UTP20: variants seen among roughly 807,000 people sequenced by gnomAD.
UTP20 encodes small subunit processome component 20 homolog.
A neutral mutation model predicts 329.5 loss-of-function variants in UTP20; 164 were observed. That is an observed-to-expected ratio of 0.50 (90% CI 0.44 to 0.57). The LOEUF (loss-of-function observed/expected upper bound fraction) is 0.57, where lower values mean the gene tolerates loss of function less well. UTP20 is among the 20% of genes least tolerant of loss of function. The pLI is 0.00. For synonymous variants in UTP20, 1,151 were observed against 1,159.3 expected, an observed-to-expected ratio of 0.99 and a Z score of 0.14; for missense variants, 3,055 against 3,284.2, an observed-to-expected ratio of 0.93 and a Z score of 1.71.
chr12:101,349,030 G>C (rs1375289399), intron 38 of UTP20, among the ~76,000 whole-genome samples: 3 of 151,892 alleles, frequency 2.0e-5, no homozygotes, highest in Non-Finnish European at 4.4e-5. Flanking sequence ...TTATTGTTTT[G>C]TTTTTGTTTT....
intron 21 of UTP20, 140 bp downstream of exon 21, chr12:101,312,416 AT>A: frequency 7.9e-7 from 1 of 1,264,768 alleles, no homozygotes; most frequent in Non-Finnish European, 1.1e-6. Context: ...AGGCTGAGGT[AT>A]TTTTTGTTTG....
intron 41 of UTP20, among the ~76,000 whole-genome samples, chr12:101,356,155 T>C (rs1869714315): frequency 6.6e-6 from 1 of 152,220 alleles, no homozygotes; most frequent in Admixed American, 6.5e-5. Context: ...AGATGGACTT[T>C]CCCTCTTGTT....
At position 101,366,699 on chromosome 12, in the gene UTP20, G is replaced by A; in HGVS notation, c.6267G>A (p.Arg2089=). ...ACATATTTATTGAGTCCGGGCTTCG[G>A]GTAAGAATTAACCTTAAAATGAGAC... ...NMHIFIESGL[R]LLHLSLKTSK... is the part of the protein sequence containing the mutation. The change falls in exon 47 of 62, where the codon CGG becomes CGA. Residue 2089 remains arginine (R), a splice_region_variant and synonymous_variant. Transcript: ENST00000261637. 6.2e-7 allele frequency: 1 copy of A among 1,612,942 alleles called. No individual in the cohort carries two copies. The highest frequency in any genetic ancestry group is 8.5e-7 in the Non-Finnish European group (1 of 1,179,544).
chr12:101,285,506 C>A (rs2137228553), intron 2 of UTP20, 64 bp from the exon 3 acceptor site: 1 of 1,503,866 alleles, frequency 6.6e-7, no homozygotes, highest in Non-Finnish European at 9.2e-7. Context: ...TATCATTATT[C>A]TATTTACCTT....
rs1360751092 is a variant in UTP20, at chr12:101,383,208, G to A, written c.7824G>A (p.Glu2608=). 3 of 1,614,038 alleles carry A rather than the reference G, an allele frequency of 1.9e-6. No homozygotes were observed. In the African/African-American group the frequency reaches 4.0e-5, roughly 22 times the overall value. The part of the protein sequence containing the change: ...KAESDGEEKE[E]VKEELGRPAT... ...AGTCTGACGGAGAAGAGAAGGAAGA[G>A]GTGAAGGAAGAGCTCGGCAGGCCGG... Residue 2608 remains glutamate, a synonymous_variant, in exon 59 of 62, where the codon GAG becomes GAA. Transcript: ENST00000261637.
In UTP20 at chr12:101,295,647, G is replaced by A. The variant is rs777655716; in HGVS notation, c.1419G>A (p.Pro473=). The change falls in exon 12 of 62, where the codon CCG becomes CCA. Residue 473 remains proline (P), a synonymous_variant. Coordinates refer to ENST00000261637, the MANE Select transcript of UTP20 (RefSeq NM_014503.3). ...AAAAGTACCCTCTGGTTTTCTCACC[G>A]CAGATGGTGGGGTGAGTTCTAACTT... is the stretch of plus-strand genomic sequence containing the variant. ...AIEKYPLVFS[P]QMVGFYIKQK... is the part of the protein sequence containing the mutation. The A allele has an allele frequency of 1.7e-5, 28 of 1,601,896 alleles. No homozygotes were observed. Among genetic ancestry groups the A allele is most frequent in the South Asian group, 5.5e-5 (5 of 90,316 alleles).
chr12:101,318,625 G>C (rs1468986836), intron 22 of UTP20, among the ~76,000 whole-genome samples: 1 of 152,126 alleles, frequency 6.6e-6, no homozygotes, highest in East Asian at 1.9e-4. Flanking sequence ...GAGGTTAGGA[G>C]TTTGAGACCA....
rs1486159356 is a variant in UTP20 at position 101,293,570 on chromosome 12, T to C, written c.1251+325T>C. Among the ~76,000 whole-genome samples the C allele has an allele frequency of 3.9e-5, 6 of 152,222 alleles. No individual in the cohort carries two copies. The East Asian group carries it at 1.2e-3, about 29-fold the overall frequency. Reference sequence around the variant, plus strand: ...GCAAATTGATTTCATTGCTCCAAAATAAGGTAACTGAGTGAGGGAGAAAAT... The same window carrying C: ...GCAAATTGATTTCATTGCTCCAAAACAAGGTAACTGAGTGAGGGAGAAAAT... On this transcript the variant is annotated intron_variant, in intron 11 of 61. Transcript: ENST00000261637.
At chr12:101,368,118 G>A in intron 48 of UTP20, 142 bp downstream of exon 48, 1 of 594,820 alleles carries the variant, frequency 1.7e-6, no homozygotes, top group East Asian at 2.8e-5. Flanking sequence ...GTTTTTTGGG[G>A]TTTTTGGGTT....
chr12:101,282,992 G>T (rs1871848562), intron 2 of UTP20, among the ~76,000 whole-genome samples: 1 of 152,222 alleles, frequency 6.6e-6, no homozygotes, highest in Non-Finnish European at 1.5e-5. Flanking sequence ...ATAGGTAAAG[G>T]AGCACAAGGT....
chr12:101,329,462 A>G lies in UTP20; in HGVS notation c.3417+13A>G, dbSNP rs1433633256. ...CCAACGAGAAAAGGTTAGATTCACT[A>G]TAGATGCTTTCAAGTCAAGTGCTTG... is the stretch of plus-strand genomic sequence containing the variant. On this transcript the variant is annotated intron_variant, in intron 27 of 61. Coordinates refer to ENST00000261637, the MANE Select transcript of UTP20 (RefSeq NM_014503.3). 6.2e-6 allele frequency: 10 copies of G among 1,600,014 alleles called. No homozygotes were observed. The highest frequency in any genetic ancestry group is 3.3e-4 in the Middle Eastern group (2 of 6,018).
intron 38 of UTP20, among the ~76,000 whole-genome samples, chr12:101,348,901 T>C (rs952583979): frequency 1.3e-5 from 2 of 152,044 alleles, no homozygotes; most frequent in Non-Finnish European, 2.9e-5. Context: ...AGAAGAGGAC[T>C]TCCCTTAATT....
intron 60 of UTP20, among the ~76,000 whole-genome samples, chr12:101,385,165 G>A (rs1430406025): frequency 6.6e-6 from 1 of 151,796 alleles, no homozygotes; most frequent in African/African-American, 2.4e-5. Flanking sequence ...GATTAGAGAG[G>A]GAATCTCTTA....
At position 101,385,746 on chromosome 12, in the gene UTP20, A is replaced by C. The variant is rs1295003727; in HGVS notation, c.8202+18A>C. ...CCCTGGAGGTAAGTTTGCTCTTTGA[A>C]AATATGGCATGTTCACTGGACTTGA... On this transcript the variant is annotated intron_variant, in intron 61 of 61. Coordinates refer to ENST00000261637, the MANE Select transcript of UTP20 (RefSeq NM_014503.3). 6.2e-7 allele frequency: 1 copy of C among 1,606,786 alleles called. No homozygotes were observed. The highest frequency in any genetic ancestry group is 1.7e-5 in the Admixed American group (1 of 57,634).
In UTP20 at chr12:101,385,625, T is replaced by C; in HGVS notation, c.8099T>C (p.Leu2700Pro). The change falls in exon 61 of 62, where the codon CTC becomes CCC. Residue 2700 changes from leucine to proline, a missense_variant. By Grantham distance (98) the Leu-to-Pro change is moderately conservative. This residue lies in a region of UTP20 where 337 missense variants were observed against 345.5 expected (regional missense o/e 0.98). Transcript: ENST00000261637. ...KNLSQEIIEL[L>P]KKLVGLESFS... is the part of the protein sequence containing the mutation. ...CTATCCCAGGAAATCATAGAATTAC[T>C]CAAAAAGCTGGTTGGGCTTGAGAGC... The C allele has an allele frequency of 6.2e-7, 1 of 1,613,958 alleles. No homozygotes were observed. The highest frequency in any genetic ancestry group is 8.5e-7 in the Non-Finnish European group (1 of 1,179,976).
At position 101,375,606 on chromosome 12, in the gene UTP20, C is replaced by T; in HGVS notation, c.7264-18C>T. Reference sequence around the variant, plus strand: ...TCAGATTGTTGTTTTCATTGATTTACATCCGTCTTGTTTTTAGATCATGGA... The same window carrying T: ...TCAGATTGTTGTTTTCATTGATTTATATCCGTCTTGTTTTTAGATCATGGA... On this transcript the variant is annotated intron_variant, in intron 55 of 61. Transcript: ENST00000261637. 1.2e-6 allele frequency: 2 copies of T among 1,608,508 alleles called. No individual in the cohort carries two copies. The highest frequency in any genetic ancestry group is 8.5e-7 in the Non-Finnish European group (1 of 1,178,624).
intron 5 of UTP20, 95 bp from the exon 6 acceptor site, chr12:101,288,865 T>G (rs542970989): frequency 1.8e-6 from 2 of 1,099,440 alleles, no homozygotes; most frequent in South Asian, 1.4e-5. Flanking sequence ...ATTCCTTGCA[T>G]ACCCAGCACA....
chr12:101,339,026 A>G, intron 31 of UTP20, 69 bp downstream of exon 31: 1 of 1,479,940 alleles, frequency 6.8e-7, no homozygotes, highest in Non-Finnish European at 9.0e-7. Flanking sequence ...AAAAATTATT[A>G]TCTTGGCCAG....
intron 60 of UTP20, among the ~76,000 whole-genome samples, chr12:101,383,898 T>C (rs1870744890): frequency 6.6e-6 from 1 of 151,514 alleles, no homozygotes; most frequent in East Asian, 1.9e-4. Context: ...TAGTGGTCTA[T>C]GTTATGCCAG....
Sources: allele counts gnomAD v4.1 joint callset (sites outside exome capture counted in the v4.1 genomes callset), GRCh38; gene constraint gnomAD v4.1.1; regional missense constraint gnomAD v4.1.1; transcripts MANE v1.5; gene names NCBI Gene and HGNC (gene_info 2026-07-23, HGNC 2026-07-21).